Variants in LRRC37A2 observed in about 807,000 individuals in gnomAD.
The protein encoded by LRRC37A2 is leucine-rich repeat-containing protein 37A2.
In LRRC37A2, 9 loss-of-function variants were observed where a neutral mutation model predicts 68.8. That is an observed-to-expected ratio of 0.13 (90% CI 0.08 to 0.23). LRRC37A2 has a LOEUF of 0.23. Ranked by LOEUF, LRRC37A2 falls within the 10% of genes least tolerant of loss-of-function variation. The pLI, the probability that LRRC37A2 is intolerant of heterozygous loss-of-function variation, is 1.00. For missense variants in LRRC37A2, 168 were observed against 950.4 expected, an observed-to-expected ratio of 0.18 and a Z score of 10.82; for synonymous variants, 63 against 367.6, an observed-to-expected ratio of 0.17 and a Z score of 9.48.
the LRRC37A2 span, among the ~76,000 whole-genome samples, chr17:47,041,483 A>G: frequency 2.2e-5 from 2 of 89,162 alleles, no homozygotes; most frequent in Non-Finnish European, 4.4e-5. Flanking sequence ...TTTGAGACAG[A>G]GTCTCACTCT....
the LRRC37A2 span, among the ~76,000 whole-genome samples, chr17:46,837,004 G>A: frequency 6.6e-6 from 1 of 151,952 alleles, no homozygotes; most frequent in Admixed American, 6.6e-5. Flanking sequence ...GTGCAGTGGC[G>A]TGATCTCGGC....
the LRRC37A2 span, chr17:47,017,180 C>A: frequency 6.2e-7 from 1 of 1,609,744 alleles, no homozygotes; most frequent in Non-Finnish European, 8.5e-7. Context: ...ACGAGTGTCT[C>A]GGAGCTGCCA....
the LRRC37A2 span, among the ~76,000 whole-genome samples, chr17:46,739,319 C>T: frequency 3.0e-5 from 4 of 134,418 alleles, no homozygotes; most frequent in Non-Finnish European, 4.5e-5. Flanking sequence ...TGCAGCGAGC[C>T]GAGATCGCGC....
the LRRC37A2 span, among the ~76,000 whole-genome samples, chr17:46,908,567 A>G: frequency 1.8e-4 from 28 of 152,070 alleles, no homozygotes; most frequent in Non-Finnish European, 2.9e-4. Context: ...GGTGGGAGCC[A>G]TTAGGACCAC....
At chr17:47,025,442 C>G in the LRRC37A2 span, among the ~76,000 whole-genome samples, 8 of 151,764 alleles carry the variant, frequency 5.3e-5, no homozygotes, top group Non-Finnish European at 1.2e-4. Flanking sequence ...ATTAAGCTAC[C>G]AAGAGAATAG....
At chr17:46,967,214 G>A in the LRRC37A2 span, among the ~76,000 whole-genome samples, 1 of 152,232 alleles carries the variant, frequency 6.6e-6, no homozygotes, top group African/African-American at 2.4e-5. Flanking sequence ...GGTTTGGAGT[G>A]TGAGCTCAGA....
chr17:46,663,121 TTTAA>T, the LRRC37A2 span, among the ~76,000 whole-genome samples: 1 of 86,894 alleles, frequency 1.2e-5, no homozygotes, highest in Non-Finnish European at 2.5e-5. Context: ...CAGCTTATGA[TTTAA>T]TTGAGGCTAT....
At chr17:46,778,074 C>T in the LRRC37A2 span, among the ~76,000 whole-genome samples, 2 of 152,206 alleles carry the variant, frequency 1.3e-5, no homozygotes, top group Admixed American at 1.3e-4. Context: ...CAATCCAGTG[C>T]ATGGCACGTG....
the LRRC37A2 span, chr17:46,757,536 T>C: frequency 6.6e-6 from 1 of 152,534 alleles, no homozygotes; most frequent in Non-Finnish European, 1.5e-5. Flanking sequence ...AGGAGGGGGC[T>C]CAGGAAAGAA....
chr17:46,880,442 G>A, the LRRC37A2 span, among the ~76,000 whole-genome samples: 4 of 152,206 alleles, frequency 2.6e-5, no homozygotes, highest in Non-Finnish European at 4.4e-5. Context: ...TTGAGCACCA[G>A]GCAGCATCCT....
chr17:46,838,286 G>A, the LRRC37A2 span, among the ~76,000 whole-genome samples: 2 of 151,512 alleles, frequency 1.3e-5, no homozygotes, highest in Non-Finnish European at 2.9e-5. Flanking sequence ...AGCCGAGTGG[G>A]TCAGTGGATC....
chr17:46,854,730 G>A, the LRRC37A2 span, among the ~76,000 whole-genome samples: 7,251 of 151,970 alleles, frequency 0.048, 588 homozygotes, highest in African/African-American at 0.16. Context: ...TCATGATCTC[G>A]GCTCACTGCA....
chr17:46,865,508 G>A, the LRRC37A2 span, among the ~76,000 whole-genome samples: 2 of 152,170 alleles, frequency 1.3e-5, no homozygotes, highest in African/African-American at 4.8e-5. Context: ...GTGAGAGCTG[G>A]GTAGGGAAGG....
chr17:46,761,966 A>G, the LRRC37A2 span, among the ~76,000 whole-genome samples: 1 of 152,258 alleles, frequency 6.6e-6, no homozygotes, highest in Non-Finnish European at 1.5e-5. Context: ...CAATTGTTCC[A>G]GACAGCCCAC....
At chr17:46,875,127 G>A in the LRRC37A2 span, 7 of 1,613,846 alleles carry the variant, frequency 4.3e-6, no homozygotes, top group South Asian at 4.4e-5. Context: ...TTTCCTGTAC[G>A]CGGTGTCCTC....
At chr17:46,491,140 G>A in the LRRC37A2 span, among the ~76,000 whole-genome samples, 26 of 150,874 alleles carry the variant, frequency 1.7e-4, no homozygotes, top group East Asian at 1.9e-4. Context: ...CAGGCGATCC[G>A]CCCGCCTCAG....
At chr17:46,974,139 C>G in the LRRC37A2 span, among the ~76,000 whole-genome samples, 1 of 152,228 alleles carries the variant, frequency 6.6e-6, no homozygotes, top group Non-Finnish European at 1.5e-5. Flanking sequence ...GTACTATCCC[C>G]GACTCAGAGG....
chr17:46,610,045 T>TCTCTCTC, the LRRC37A2 span, among the ~76,000 whole-genome samples: 4 of 86,218 alleles, frequency 4.6e-5, 1 homozygote, highest in Non-Finnish European at 1.1e-4. Flanking sequence ...CTCTCTCTCT[T>TCTCTCTC]TCTTTCTTTC....
the LRRC37A2 span, chr17:46,751,690 C>CCTG: frequency 1.2e-6 from 1 of 837,630 alleles, no homozygotes; most frequent in African/African-American, 1.7e-5. Flanking sequence ...TCAGTATTTC[C>CCTG]TTTGCCAAGG....
Sources: allele counts gnomAD v4.1 joint callset (sites outside exome capture counted in the v4.1 genomes callset), GRCh38; gene constraint gnomAD v4.1.1; transcripts MANE v1.5; gene names NCBI Gene and HGNC (gene_info 2026-07-23, HGNC 2026-07-21).